Variants in THADA observed in about 807,000 individuals in gnomAD.
THADA encodes THADA armadillo repeat containing.
Under a neutral mutation model 219.8 loss-of-function variants are expected in THADA, and 213 were observed. The ratio of observed to expected loss-of-function variants is 0.97; its 90% confidence interval spans 0.87 to 1.09. The LOEUF (loss-of-function observed/expected upper bound fraction) is 1.09. Ranked by LOEUF, THADA falls within the 50% of genes least tolerant of loss-of-function variation. The pLI is 0.00. For missense variants in THADA, 2,956 were observed against 2,311.3 expected (o/e 1.28, Z -5.72); for synonymous variants, 1,018 against 828.9 (o/e 1.23, Z -3.92).
rs761525091 is a variant in THADA at position 43,551,907 on chromosome 2, G to T, written c.2829C>A (p.Ser943Arg). Residue 943 changes from serine (S) to arginine (R), a missense_variant, in exon 19 of 38, where the codon AGC becomes AGA. Coordinates refer to ENST00000405975, the MANE Select transcript of THADA (RefSeq NM_022065.5). ...GCTTCTCTACCACAGGTCTCCACTCGCTCACCAACTGCAGGCTGCTGCAAC... is the reference window on the plus strand; with the variant it reads ...GCTTCTCTACCACAGGTCTCCACTCTCTCACCAACTGCAGGCTGCTGCAAC... Reference protein sequence around the residue: ...KLSLNSLQLVSEWRPVVEKLL... With the variant: ...KLSLNSLQLVREWRPVVEKLL... 1 of 1,613,086 alleles carries T rather than the reference G, an allele frequency of 6.2e-7. No homozygotes were observed. The highest frequency in any genetic ancestry group is 1.3e-5 in the African/African-American group (1 of 74,856).
At chr2:43,497,416 C>G (rs1416103470) in intron 25 of THADA, among the ~76,000 whole-genome samples, 1 of 152,096 alleles carries the variant, frequency 6.6e-6, no homozygotes, top group African/African-American at 2.4e-5. Context: ...AGCCATCATC[C>G]TCAGCAAACT....
At chr2:43,351,913 C>T (rs1668311725) in intron 29 of THADA, among the ~76,000 whole-genome samples, 1 of 152,180 alleles carries the variant, frequency 6.6e-6, no homozygotes, top group Non-Finnish European at 1.5e-5. Flanking sequence ...TCAAGGGCCC[C>T]CAACAAGGGC....
chr2:43,476,104 G>C (rs960814338), intron 26 of THADA, among the ~76,000 whole-genome samples: 3 of 152,148 alleles, frequency 2.0e-5, no homozygotes, highest in African/African-American at 7.2e-5. Flanking sequence ...AATCCTATTA[G>C]TCTAATTATA....
intron 34 of THADA, among the ~76,000 whole-genome samples, chr2:43,291,324 G>A (rs1156569185): frequency 1.3e-5 from 2 of 151,568 alleles, no homozygotes; most frequent in Non-Finnish European, 2.9e-5. Flanking sequence ...GCTGGCACAA[G>A]CCTGTAATCC....
chr2:43,540,190 G>C (rs553670596), intron 21 of THADA, among the ~76,000 whole-genome samples: 1 of 152,322 alleles, frequency 6.6e-6, no homozygotes, highest in African/African-American at 2.4e-5. Context: ...ATGACTGCAA[G>C]TAACTCTAGG....
At chr2:43,416,903 A>ATACT (rs1401360658) in intron 28 of THADA, among the ~76,000 whole-genome samples, 1 of 152,198 alleles carries the variant, frequency 6.6e-6, no homozygotes, top group Non-Finnish European at 1.5e-5. Flanking sequence ...CCTTCCTTTC[A>ATACT]TACTATTCAG....
intron 21 of THADA, among the ~76,000 whole-genome samples, chr2:43,528,733 G>A (rs542309747): frequency 2.6e-5 from 4 of 152,128 alleles, no homozygotes; most frequent in East Asian, 1.9e-4. Flanking sequence ...CACACAAAGC[G>A]ACAACACTCA....
chr2:43,352,852 T>C (rs1265087108), intron 29 of THADA, among the ~76,000 whole-genome samples: 1 of 152,218 alleles, frequency 6.6e-6, no homozygotes, highest in East Asian at 1.9e-4. Context: ...TCCCGCGTAA[T>C]TGCTACTTTG....
intron 26 of THADA, among the ~76,000 whole-genome samples, chr2:43,438,299 C>CAAAAAAAAAA (rs56108896): frequency 1.2e-5 from 1 of 85,970 alleles, no homozygotes; most frequent in Non-Finnish European, 2.3e-5. Flanking sequence ...GACTCCATCT[C>CAAAAAAAAAA]AAAAAAAAAA....
At chr2:43,358,672 G>A (rs1385466163) in intron 29 of THADA, among the ~76,000 whole-genome samples, 3 of 152,166 alleles carry the variant, frequency 2.0e-5, no homozygotes, top group Non-Finnish European at 2.9e-5. Flanking sequence ...GGTAATGCAC[G>A]TTACTCTGAG....
chr2:43,351,844 C>G (rs932057320), intron 29 of THADA, among the ~76,000 whole-genome samples: 2 of 152,226 alleles, frequency 1.3e-5, no homozygotes, highest in African/African-American at 4.8e-5. Flanking sequence ...TGGATAATCT[C>G]TCACCTATTG....
At chr2:43,482,242 TTAAAACCCA>T (rs1011448571) in intron 26 of THADA, among the ~76,000 whole-genome samples, 17 of 152,130 alleles carry the variant, frequency 1.1e-4, no homozygotes, top group Non-Finnish European at 2.4e-4. Flanking sequence ...TTCTCATTCT[TTAAAACCCA>T]AAAAACACAT....
chr2:43,506,186 C>T (rs1224379888), intron 23 of THADA, among the ~76,000 whole-genome samples: 2 of 152,182 alleles, frequency 1.3e-5, no homozygotes, highest in Non-Finnish European at 1.5e-5. Flanking sequence ...GGAGATGAAG[C>T]AGTTAGTTAA....
intron 8 of THADA, among the ~76,000 whole-genome samples, chr2:43,579,960 T>C (rs1055880132): frequency 1.3e-5 from 2 of 151,936 alleles, no homozygotes; most frequent in Non-Finnish European, 2.9e-5. Flanking sequence ...TTATGAAGCT[T>C]TAAAATGCTG....
At chr2:43,461,714 A>T (rs1352591850) in intron 26 of THADA, among the ~76,000 whole-genome samples, 1 of 152,248 alleles carries the variant, frequency 6.6e-6, no homozygotes, top group South Asian at 2.1e-4. Flanking sequence ...TTGGAGAGGC[A>T]GTTTCTCCCC....
At chr2:43,256,484 C>T (rs186458183) in intron 36 of THADA, among the ~76,000 whole-genome samples, 1 of 152,162 alleles carries the variant, frequency 6.6e-6, no homozygotes, top group Admixed American at 6.5e-5. Context: ...TCACGGCTCA[C>T]TGCAGCCTCG....
intron 29 of THADA, among the ~76,000 whole-genome samples, chr2:43,371,370 A>T (rs1032268911): frequency 6.6e-6 from 1 of 152,224 alleles, no homozygotes; most frequent in Non-Finnish European, 1.5e-5. Context: ...GTCTAATGAC[A>T]TATTATAACA....
intron 28 of THADA, among the ~76,000 whole-genome samples, chr2:43,401,826 C>A (rs1029742214): frequency 3.9e-5 from 6 of 152,134 alleles, no homozygotes; most frequent in Non-Finnish European, 5.9e-5. Flanking sequence ...GGCTACCCAA[C>A]CTGTAGCTCA....
chr2:43,399,796 G>A (rs547559399), intron 28 of THADA, among the ~76,000 whole-genome samples: 5 of 152,100 alleles, frequency 3.3e-5, no homozygotes, highest in African/African-American at 9.6e-5. Flanking sequence ...ATCTGTAATT[G>A]GCAAATGCAG....
Sources: gnomAD v4.1 joint callset for allele counts (sites outside exome capture counted in the v4.1 genomes callset) on GRCh38, gnomAD v4.1.1 for gene constraint, MANE v1.5 for transcripts, NCBI Gene and HGNC (gene_info 2026-07-23, HGNC 2026-07-21) for gene names.